Variants in FOXP1 observed in about 807,000 individuals in gnomAD.
FOXP1 encodes forkhead box protein P1.
A neutral mutation model predicts 98.2 loss-of-function variants in FOXP1; 15 were observed. That is an observed-to-expected ratio of 0.15 (90% CI 0.10 to 0.24). The LOEUF is 0.24. FOXP1 is among the 10% of genes least tolerant of loss of function. The pLI, the probability that FOXP1 is intolerant of heterozygous loss-of-function variation, is 1.00. For missense variants in FOXP1, 633 were observed against 848.5 expected, an observed-to-expected ratio of 0.75 and a Z score of 3.15; for synonymous variants, 371 against 314.5, an observed-to-expected ratio of 1.18 and a Z score of -1.90.
chr3:71,364,476 C>G (rs2078778985), intron 3 of FOXP1, among the ~76,000 whole-genome samples: 1 of 152,174 alleles, frequency 6.6e-6, no homozygotes, highest in Non-Finnish European at 1.5e-5. Context: ...AAACCAAATG[C>G]CACAGAATAT....
At chr3:70,998,594 C>T (rs1403781989) in intron 13 of FOXP1, among the ~76,000 whole-genome samples, 4 of 152,160 alleles carry the variant, frequency 2.6e-5, no homozygotes, top group African/African-American at 4.8e-5. Flanking sequence ...TCACAGGTAA[C>T]GACCACATTG....
At chr3:71,047,720 T>C (rs2049223199) in intron 9 of FOXP1, among the ~76,000 whole-genome samples, 2 of 152,140 alleles carry the variant, frequency 1.3e-5, no homozygotes, top group Admixed American at 6.5e-5. Context: ...CGACTGTGAG[T>C]TTAACATGAA....
intron 11 of FOXP1, among the ~76,000 whole-genome samples, chr3:71,017,302 T>TA (rs2044644780): frequency 6.6e-6 from 1 of 152,012 alleles, no homozygotes; most frequent in African/African-American, 2.4e-5. Context: ...AATGAAAGAA[T>TA]ACTTCAACAG....
intron 5 of FOXP1, among the ~76,000 whole-genome samples, chr3:71,206,370 C>T (rs2064035358): frequency 6.6e-6 from 1 of 152,138 alleles, no homozygotes. Context: ...TCTCATTAAA[C>T]ATTGAAAGAT....
chr3:70,985,889 CA>C (rs1345965090), intron 14 of FOXP1, among the ~76,000 whole-genome samples: 1 of 152,092 alleles, frequency 6.6e-6, no homozygotes, highest in African/African-American at 2.4e-5. Flanking sequence ...AAGTGCTGTG[CA>C]GCGATATTGG....
chr3:71,080,861 C>A (rs1321956319), intron 7 of FOXP1, among the ~76,000 whole-genome samples: 1 of 152,198 alleles, frequency 6.6e-6, no homozygotes, highest in Non-Finnish European at 1.5e-5. Context: ...CTCTGAATTT[C>A]CTTCTTCTGG....
chr3:71,443,141 G>A (rs1020426789), intron 3 of FOXP1, among the ~76,000 whole-genome samples: 31 of 152,214 alleles, frequency 2.0e-4, no homozygotes, highest in Non-Finnish European at 3.8e-4. Context: ...TGATCCACCC[G>A]CCTCGGCCTC....
intron 10 of FOXP1, among the ~76,000 whole-genome samples, chr3:71,042,748 G>C (rs942212470): frequency 6.6e-6 from 1 of 152,098 alleles, no homozygotes; most frequent in Non-Finnish European, 1.5e-5. Flanking sequence ...TAAAAAAGAA[G>C]GCTGTGTGCA....
At chr3:71,408,271 T>C (rs1277671980) in intron 3 of FOXP1, among the ~76,000 whole-genome samples, 2 of 152,188 alleles carry the variant, frequency 1.3e-5, no homozygotes, top group Non-Finnish European at 2.9e-5. Context: ...AGTTTCATTG[T>C]TTATTCTGTG....
At chr3:71,467,140 G>A (rs1376363389) in intron 3 of FOXP1, among the ~76,000 whole-genome samples, 1 of 152,138 alleles carries the variant, frequency 6.6e-6, no homozygotes, top group South Asian at 2.1e-4. Flanking sequence ...GTATGTATGT[G>A]TATATAACAA....
At chr3:71,457,463 G>C (rs1355969721) in intron 3 of FOXP1, among the ~76,000 whole-genome samples, 5 of 152,072 alleles carry the variant, frequency 3.3e-5, no homozygotes, top group African/African-American at 1.2e-4. Context: ...TCACAAAAGA[G>C]ATCCAAGTCC....
At chr3:71,224,862 G>C (rs2065708394) in intron 5 of FOXP1, among the ~76,000 whole-genome samples, 1 of 152,210 alleles carries the variant, frequency 6.6e-6, no homozygotes, top group South Asian at 2.1e-4. Context: ...TGATAATGTA[G>C]GCAATGTGTT....
intron 6 of FOXP1, among the ~76,000 whole-genome samples, chr3:71,174,821 C>T (rs2061841453): frequency 6.6e-6 from 1 of 151,274 alleles, no homozygotes. Context: ...CACACACACA[C>T]ACACACCCCA....
chr3:71,274,218 C>G (rs929283001), intron 5 of FOXP1, among the ~76,000 whole-genome samples: 5 of 152,158 alleles, frequency 3.3e-5, no homozygotes, highest in African/African-American at 1.2e-4. Context: ...CCTATAGGAG[C>G]TCAGGGATTT....
chr3:71,404,101 GTTTTTTTCTTTTCTTTTTCT>G (rs1560435837), intron 3 of FOXP1, among the ~76,000 whole-genome samples: 2 of 63,434 alleles, frequency 3.2e-5, no homozygotes, highest in African/African-American at 5.4e-5. Flanking sequence ...ATGTATTGGG[GTTTTTTTCTTTTCTTTTTCT>G]TTTTTTTTTT....
chr3:71,364,438 G>A (rs2078776333), intron 3 of FOXP1, among the ~76,000 whole-genome samples: 1 of 152,174 alleles, frequency 6.6e-6, no homozygotes, highest in African/African-American at 2.4e-5. Context: ...TTACAGGTAA[G>A]AATACTGAGC....
At chr3:71,336,576 T>C (rs145244863) in intron 4 of FOXP1, among the ~76,000 whole-genome samples, 5 of 152,328 alleles carry the variant, frequency 3.3e-5, no homozygotes, top group African/African-American at 1.2e-4. Context: ...AGGGAAAGAA[T>C]TCGACATTTA....
intron 2 of FOXP1, among the ~76,000 whole-genome samples, chr3:71,574,996 T>G (rs2047617569): frequency 6.6e-6 from 1 of 152,194 alleles, no homozygotes; most frequent in Non-Finnish European, 1.5e-5. Context: ...GTTGCAGGCT[T>G]TCCTCCAACT....
At chr3:70,968,140 C>G (rs2035356164) in intron 19 of FOXP1, among the ~76,000 whole-genome samples, 1 of 152,090 alleles carries the variant, frequency 6.6e-6, no homozygotes, top group South Asian at 2.1e-4. Context: ...GAAACGCATA[C>G]AAAGGCAAGC....
Sources: gnomAD v4.1 joint callset for allele counts (sites outside exome capture counted in the v4.1 genomes callset) on GRCh38, gnomAD v4.1.1 for gene constraint, MANE v1.5 for transcripts, NCBI Gene and HGNC (gene_info 2026-07-23, HGNC 2026-07-21) for gene names.